ATP6V0A4: variants seen among roughly 807,000 people sequenced by gnomAD.
The protein encoded by ATP6V0A4 is ATPase H+ transporting V0 subunit a4.
Under a neutral mutation model 107.3 loss-of-function variants are expected in ATP6V0A4, and 86 were observed. That is an observed-to-expected ratio of 0.80 (90% confidence interval 0.67 to 0.96). ATP6V0A4 has a LOEUF of 0.96. ATP6V0A4 is among the 40% of genes least tolerant of loss of function. The pLI, the probability that ATP6V0A4 is intolerant of heterozygous loss-of-function variation, is 0.00. For synonymous variants in ATP6V0A4, 353 were observed against 381.4 expected (o/e 0.93, Z 0.87); for missense variants, 908 against 1,045.6 (o/e 0.87, Z 1.81).
intron 20 of ATP6V0A4, among the ~76,000 whole-genome samples, chr7:138,711,340 A>T (rs902380527): frequency 1.3e-5 from 2 of 152,186 alleles, no homozygotes; most frequent in Non-Finnish European, 2.9e-5. Context: ...AACCTATGCA[A>T]GTAAGGGTCC....
chr7:138,792,598 G>A (rs1449730112), intron 1 of ATP6V0A4, among the ~76,000 whole-genome samples: 1 of 151,874 alleles, frequency 6.6e-6, no homozygotes, highest in African/African-American at 2.4e-5. Flanking sequence ...AGATTGATTT[G>A]TTTGTTTTTA....
chr7:138,759,077 TGA>T (rs1428619535), intron 8 of ATP6V0A4, among the ~76,000 whole-genome samples: 33 of 121,790 alleles, frequency 2.7e-4, no homozygotes, highest in African/African-American at 9.7e-4. Flanking sequence ...TTTTTTTTTT[TGA>T]GATAGGGTCT....
intron 19 of ATP6V0A4, among the ~76,000 whole-genome samples, chr7:138,718,686 G>T (rs10240504): frequency 0.02 from 815 of 40,710 alleles, 231 homozygotes; most frequent in African/African-American, 0.087. Flanking sequence ...CGGGGGGGGG[G>T]GGTGCAGTCA....
chr7:138,722,041 G>A lies in ATP6V0A4; in HGVS notation c.2011-16C>T, dbSNP rs1390400602. On this transcript the variant is annotated splice_polypyrimidine_tract_variant and intron_variant, in intron 18 of 21. Coordinates refer to ENST00000310018, the MANE Select transcript of ATP6V0A4 (RefSeq NM_020632.3). ...ATGCCTGCAGCTGACAACAAGCAGG[G>A]AAATGAGGAATGCGCTCAACTCACC... 3 of 1,614,024 alleles carry A rather than the reference G, an allele frequency of 1.9e-6. No individual in the cohort carries two copies. Among genetic ancestry groups the A allele is most frequent in the South Asian group, 2.2e-5 (2 of 91,054 alleles).
At chr7:138,755,611 G>C (rs1429109251) in intron 10 of ATP6V0A4, 78 bp downstream of exon 10, 6 of 1,585,588 alleles carry the variant, frequency 3.8e-6, no homozygotes, top group African/African-American at 1.3e-5. Flanking sequence ...GGCCCTGGGG[G>C]GCAGGGCTTG....
intron 18 of ATP6V0A4, among the ~76,000 whole-genome samples, chr7:138,727,105 C>G (rs1224982886): frequency 1.1e-5 from 1 of 95,024 alleles, no homozygotes; most frequent in Non-Finnish European, 1.9e-5. Context: ...ATAGTGAGAG[C>G]TCATCTCAAA....
intron 7 of ATP6V0A4, among the ~76,000 whole-genome samples, chr7:138,761,889 A>G (rs9642116): frequency 1 from 152,145 of 152,150 alleles, 76,070 homozygotes; most frequent in Middle Eastern, 1. Context: ...TATGTTGCCC[A>G]GGCTGGTTTC....
chr7:138,709,498 G>T, intron 21 of ATP6V0A4, 126 bp downstream of exon 21: 2 of 835,438 alleles, frequency 2.4e-6, no homozygotes, highest in Non-Finnish European at 4.2e-6. Flanking sequence ...CTAAACTAAG[G>T]CTCCAAAGAG....
intron 2 of ATP6V0A4, among the ~76,000 whole-genome samples, chr7:138,775,395 A>G (rs962887567): frequency 2.0e-5 from 3 of 152,188 alleles, no homozygotes; most frequent in South Asian, 2.1e-4. Context: ...ACAAACACAC[A>G]TAAAATACCA....
At chr7:138,788,837 G>A (rs920168409) in intron 1 of ATP6V0A4, among the ~76,000 whole-genome samples, 2 of 152,180 alleles carry the variant, frequency 1.3e-5, no homozygotes, top group Non-Finnish European at 2.9e-5. Context: ...CATGTAAGAT[G>A]TGCCTTTGCT....
chr7:138,768,291 G>A (rs1045158804), intron 5 of ATP6V0A4, among the ~76,000 whole-genome samples: 4 of 152,124 alleles, frequency 2.6e-5, no homozygotes, highest in Non-Finnish European at 5.9e-5. Flanking sequence ...AAGGAAAGAG[G>A]GAGAGCCCCA....
intron 2 of ATP6V0A4, among the ~76,000 whole-genome samples, chr7:138,785,168 T>C (rs1463512075): frequency 1.3e-5 from 2 of 152,328 alleles, no homozygotes; most frequent in South Asian, 2.1e-4. Context: ...AATCTGACTT[T>C]TCTAAAAAGA....
At chr7:138,764,054 TG>T (rs1475874285) in intron 5 of ATP6V0A4, among the ~76,000 whole-genome samples, 2 of 150,264 alleles carry the variant, frequency 1.3e-5, no homozygotes, top group Admixed American at 1.3e-4. Context: ...TATATGAAAT[TG>T]ATGAAATAGC....
At chr7:138,711,187 TG>T (rs1803721274) in intron 20 of ATP6V0A4, among the ~76,000 whole-genome samples, 1 of 151,984 alleles carries the variant, frequency 6.6e-6, no homozygotes, top group Non-Finnish European at 1.5e-5. Context: ...TCTCAAAGGC[TG>T]ACAGTCGGGG....
intron 20 of ATP6V0A4, among the ~76,000 whole-genome samples, chr7:138,712,275 TCCGTG>T (rs1319045166): frequency 6.6e-6 from 1 of 152,058 alleles, no homozygotes; most frequent in East Asian, 1.9e-4. Context: ...CTTCAAGTCA[TCCGTG>T]GTCCTGATGT....
chr7:138,742,716 A>G (rs1449785884), intron 14 of ATP6V0A4, among the ~76,000 whole-genome samples: 1 of 147,396 alleles, frequency 6.8e-6, no homozygotes, highest in African/African-American at 2.5e-5. Flanking sequence ...CATTTTATGT[A>G]GAGACAGGGT....
chr7:138,718,248 C>G (rs1562980425), intron 19 of ATP6V0A4, among the ~76,000 whole-genome samples: 24 of 40,424 alleles, frequency 5.9e-4, no homozygotes, highest in African/African-American at 1.1e-3. Context: ...TTATGGATGT[C>G]TGCGGAGGGA....
chr7:138,785,157 C>T (rs570871329), intron 2 of ATP6V0A4, among the ~76,000 whole-genome samples: 2 of 152,238 alleles, frequency 1.3e-5, no homozygotes, highest in South Asian at 2.1e-4. Flanking sequence ...GGAAAAGTAA[C>T]AATCTGACTT....
intron 1 of ATP6V0A4, among the ~76,000 whole-genome samples, chr7:138,797,318 A>G (rs3823487): frequency 0.072 from 10,935 of 150,862 alleles, 415 homozygotes; most frequent in African/African-American, 0.097. Flanking sequence ...TCCGGGTTCA[A>G]GCGATTTTCC....
Sources: gnomAD v4.1 joint callset for allele counts (sites outside exome capture counted in the v4.1 genomes callset) on GRCh38, gnomAD v4.1.1 for gene constraint, MANE v1.5 for transcripts, NCBI Gene and HGNC (gene_info 2026-07-23, HGNC 2026-07-21) for gene names.